MGAT5: variants seen among roughly 807,000 people sequenced by gnomAD.
MGAT5 encodes the protein alpha-1,6-mannosylglycoprotein 6-beta-N-acetylglucosaminyltransferase A.
Under a neutral mutation model 94.3 loss-of-function variants are expected in MGAT5, and 30 were observed. The observed-to-expected ratio is 0.32, with a 90% CI of 0.24 to 0.43. MGAT5 has a LOEUF of 0.43. MGAT5 is among the 20% of genes least tolerant of loss of function. The pLI, the probability that MGAT5 is intolerant of heterozygous loss-of-function variation, is 1.00. For synonymous variants in MGAT5, 310 were observed against 322.9 expected, an observed-to-expected ratio of 0.96 and a Z score of 0.43; for missense variants, 691 against 905.5, an observed-to-expected ratio of 0.76 and a Z score of 3.04.
intron 14 of MGAT5, among the ~76,000 whole-genome samples, chr2:134,430,382 A>C (rs1186058384): frequency 6.6e-6 from 1 of 152,216 alleles, no homozygotes; most frequent in East Asian, 1.9e-4. Context: ...CCTTTCAAAC[A>C]GGAAGGTCCT....
intron 1 of MGAT5, among the ~76,000 whole-genome samples, chr2:134,222,346 GA>G (rs202225094): frequency 2.7e-5 from 4 of 149,916 alleles, no homozygotes; most frequent in African/African-American, 2.5e-5. Flanking sequence ...CAATCAGCCA[GA>G]AAAAAAAACC....
chr2:134,338,224 A>G, intron 5 of MGAT5, 35 bp from the exon 6 acceptor site: 1 of 1,526,574 alleles, frequency 6.6e-7, no homozygotes, highest in Non-Finnish European at 8.9e-7. Flanking sequence ...CTGACTTTTT[A>G]TCTTCTATTC....
At chr2:134,255,576 A>C (rs1408612108) in intron 1 of MGAT5, among the ~76,000 whole-genome samples, 3 of 152,068 alleles carry the variant, frequency 2.0e-5, no homozygotes, top group African/African-American at 7.2e-5. Context: ...AAAAAATTGC[A>C]AATGGAATTT....
At chr2:134,143,572 G>T (rs1686761044) in intron 1 of MGAT5, among the ~76,000 whole-genome samples, 2 of 152,212 alleles carry the variant, frequency 1.3e-5, no homozygotes. Flanking sequence ...TGGAATGAAT[G>T]AAGGAATGGT....
At chr2:134,414,667 A>G (rs1683867655) in intron 12 of MGAT5, among the ~76,000 whole-genome samples, 1 of 152,232 alleles carries the variant, frequency 6.6e-6, no homozygotes, top group African/African-American at 2.4e-5. Flanking sequence ...AGTATGCAAT[A>G]CAGTATTGTT....
chr2:134,443,978 A>C (rs1362352360), intron 15 of MGAT5, among the ~76,000 whole-genome samples: 1 of 152,162 alleles, frequency 6.6e-6, no homozygotes, highest in Non-Finnish European at 1.5e-5. Flanking sequence ...GACTGTGCTC[A>C]GGGTCTGGCT....
rs149976397 is a variant in MGAT5 at position 134,339,495 on chromosome 2, G to A, written c.807+1075G>A. ...AACTAAAATTAAAAATAAAGGAGAT[G>A]GTGATGATGGTTGCACAATAATGTG... On this transcript the variant is annotated intron_variant, in intron 6 of 15. Transcript: ENST00000281923. 4.1e-3 allele frequency among the ~76,000 whole-genome samples: 617 copies of A among 152,210 alleles called. 3 individuals carry two copies. Among genetic ancestry groups the A allele is most frequent in the African/African-American group, 0.014 (571 of 41,538 alleles).
At chr2:134,173,684 G>A (rs545937307) in intron 1 of MGAT5, among the ~76,000 whole-genome samples, 26 of 152,308 alleles carry the variant, frequency 1.7e-4, no homozygotes, top group Non-Finnish European at 7.3e-5. Flanking sequence ...AATAACTACC[G>A]AAAGAGCAGC....
intron 1 of MGAT5, among the ~76,000 whole-genome samples, chr2:134,139,916 AGTT>A (rs1342100653): frequency 6.6e-6 from 1 of 152,084 alleles, no homozygotes; most frequent in African/African-American, 2.4e-5. Flanking sequence ...TTTAGTTGAG[AGTT>A]GTTATGTGGC....
chr2:134,247,383 A>C (rs1312272325), intron 1 of MGAT5, among the ~76,000 whole-genome samples: 2 of 151,276 alleles, frequency 1.3e-5, no homozygotes, highest in African/African-American at 2.4e-5. Flanking sequence ...AACAAAAAAA[A>C]AACGTAAACT....
At chr2:134,369,727 T>TTGTGTGTGTGTGTGTG (rs10526028) in intron 10 of MGAT5, among the ~76,000 whole-genome samples, 12,008 of 142,034 alleles carry the variant, frequency 0.085, 830 homozygotes, top group South Asian at 0.22. Context: ...GGTTTTTACA[T>TTGTGTGTGTGTGTGTG]TGTGTGTGTG....
At chr2:134,333,882 A>G (rs1045234779) in intron 4 of MGAT5, among the ~76,000 whole-genome samples, 23 of 152,150 alleles carry the variant, frequency 1.5e-4, no homozygotes, top group Admixed American at 8.5e-4. Context: ...TTTCCCAGAG[A>G]AAGAAATGCT....
chr2:134,282,897 A>G (rs565375483), intron 2 of MGAT5, among the ~76,000 whole-genome samples: 52 of 152,218 alleles, frequency 3.4e-4, no homozygotes, highest in African/African-American at 1.2e-3. Context: ...AGTCTGTACA[A>G]CAGCCCAGGG....
intron 2 of MGAT5, among the ~76,000 whole-genome samples, chr2:134,275,020 GCTGCTAATGGAC>G (rs1472894896): frequency 2.6e-5 from 4 of 152,186 alleles, no homozygotes; most frequent in Non-Finnish European, 5.9e-5. Context: ...CCCTCTTTGT[GCTGCTAATGGAC>G]CTTGAAATTT....
At position 134,155,508 on chromosome 2, in the gene MGAT5, T is replaced by C. The variant is rs926537547; in HGVS notation, c.-143+35217T>C. ...TGCTGATAGGAGTGGAATCTACTTG[T>C]TGGAATGTTGTAAGGATTACCTTTT... On this transcript the variant is annotated intron_variant, in intron 1 of 16. Transcript: ENST00000409645. Among the ~76,000 whole-genome samples the C allele has an allele frequency of 1.1e-4, 16 of 152,238 alleles. 1 individual carries two copies. Among genetic ancestry groups the C allele is most frequent in the Admixed American group, 9.8e-4 (15 of 15,280 alleles).
intron 1 of MGAT5, among the ~76,000 whole-genome samples, chr2:134,236,749 T>C (rs867076834): frequency 1.3e-5 from 2 of 152,196 alleles, no homozygotes; most frequent in Non-Finnish European, 1.5e-5. Flanking sequence ...TTTCAGCATG[T>C]TCTGGCTGCT....
chr2:134,426,794 T>A lies in MGAT5; in HGVS notation c.1795-1571T>A, dbSNP rs373379806. ...GGAACAGTAAGTTCAAAAGCTTGAG[T>A]TGACAAGGAACAAACTGAGAACATG... On this transcript the variant is annotated intron_variant, in intron 13 of 15. Transcript: ENST00000281923. 1.2e-4 allele frequency among the ~76,000 whole-genome samples: 19 copies of A among 152,188 alleles called. No individual in the cohort carries two copies. In the East Asian group the frequency reaches 3.7e-3, roughly 29 times the overall value.
chr2:134,241,794 G>T (rs532293037), intron 1 of MGAT5, among the ~76,000 whole-genome samples: 5 of 152,226 alleles, frequency 3.3e-5, no homozygotes, highest in Admixed American at 2.6e-4. Context: ...ATATATTACT[G>T]TTAAAAGCCT....
chr2:134,357,875 T>TG (rs1281068698), intron 9 of MGAT5, among the ~76,000 whole-genome samples: 5 of 13,726 alleles, frequency 3.6e-4, no homozygotes, highest in Non-Finnish European at 1.2e-3. Context: ...CACCACCATT[T>TG]GGAAAAAAAA....
Sources: gnomAD v4.1 joint callset for allele counts (sites outside exome capture counted in the v4.1 genomes callset) on GRCh38, gnomAD v4.1.1 for gene constraint, MANE v1.5 for transcripts, NCBI Gene and HGNC (gene_info 2026-07-23, HGNC 2026-07-21) for gene names.